Variants in OTUD7A observed in about 807,000 individuals in gnomAD.
OTUD7A encodes the protein OTU domain-containing protein 7A.
In OTUD7A, 12 loss-of-function variants were observed where a neutral mutation model predicts 65.7. The ratio of observed to expected loss-of-function variants is 0.18; its 90% confidence interval spans 0.12 to 0.30. The LOEUF (loss-of-function observed/expected upper bound fraction) is 0.30, where lower values mean the gene tolerates loss of function less well. OTUD7A is among the 10% of genes least tolerant of loss of function. OTUD7A has a pLI of 1.00. For missense variants in OTUD7A, 1,148 were observed against 1,304.8 expected (o/e 0.88, Z 1.85); for synonymous variants, 641 against 586.3 (o/e 1.09, Z -1.35).
At chr15:31,505,950 G>A (rs957427399) in intron 8 of OTUD7A, among the ~76,000 whole-genome samples, 4 of 151,974 alleles carry the variant, frequency 2.6e-5, no homozygotes, top group African/African-American at 9.7e-5. Context: ...GTGTTAGCCA[G>A]GATGGTCTTG....
At chr15:31,637,256 T>C (rs1891370584) in intron 3 of OTUD7A, among the ~76,000 whole-genome samples, 1 of 152,206 alleles carries the variant, frequency 6.6e-6, no homozygotes, top group Non-Finnish European at 1.5e-5. Flanking sequence ...TTCTGAAAGT[T>C]CTAGTGCCCT....
intron 1 of OTUD7A, among the ~76,000 whole-genome samples, chr15:31,795,435 G>A (rs931618738): frequency 3.3e-5 from 5 of 152,214 alleles, no homozygotes; most frequent in African/African-American, 1.2e-4. Context: ...CTGGAGGAGT[G>A]GGTTTCTGAA....
chr15:31,754,761 T>A (rs983688183), intron 1 of OTUD7A, among the ~76,000 whole-genome samples: 1 of 152,224 alleles, frequency 6.6e-6, no homozygotes, highest in Non-Finnish European at 1.5e-5. Flanking sequence ...GACTATGGGC[T>A]TATAGTATAG....
At position 31,559,350 on chromosome 15, in the gene OTUD7A, A is replaced by G. The variant is rs75566710; in HGVS notation, c.332-163T>C. On this transcript the variant is annotated intron_variant, in intron 4 of 12. Coordinates refer to ENST00000307050, the MANE Select transcript of OTUD7A (RefSeq NM_001382637.1). ...CATACCACACAACACACAAAAATACATATGTGCACACATATGAACACACCA... is the reference window on the plus strand; with the variant it reads ...CATACCACACAACACACAAAAATACGTATGTGCACACATATGAACACACCA... Among the ~76,000 whole-genome samples the G allele has an allele frequency of 3.3e-3, 495 of 152,306 alleles. 3 individuals are homozygous for G. The highest frequency in any genetic ancestry group is 4.0e-3 in the Non-Finnish European group (273 of 68,014).
intron 8 of OTUD7A, among the ~76,000 whole-genome samples, chr15:31,505,101 T>C (rs72724998): frequency 2.0e-5 from 3 of 152,324 alleles, no homozygotes; most frequent in Non-Finnish European, 4.4e-5. Flanking sequence ...TGAGAGTATA[T>C]TGAATAAAGG....
intron 1 of OTUD7A, among the ~76,000 whole-genome samples, chr15:31,716,295 GTAT>G (rs1893582378): frequency 1.9e-4 from 1 of 5,238 alleles, no homozygotes; most frequent in African/African-American, 2.0e-4. Context: ...TACATATTAT[GTAT>G]TATATGTAAT....
intron 1 of OTUD7A, among the ~76,000 whole-genome samples, chr15:31,673,805 T>C (rs1212831269): frequency 2.0e-5 from 3 of 152,230 alleles, no homozygotes. Flanking sequence ...CCATTGTCAT[T>C]GTGACAAGTG....
At chr15:31,829,362 C>T (rs1896875574) in intron 1 of OTUD7A, among the ~76,000 whole-genome samples, 1 of 152,184 alleles carries the variant, frequency 6.6e-6, no homozygotes, top group Admixed American at 6.5e-5. Flanking sequence ...ATCTTTCATC[C>T]ATGCTGGTTT....
Position 31,796,142 on chromosome 15 carries a change from C to CGTGTGTGTGTGTGTGTGT in OTUD7A, c.-100+74347_-100+74364dup, listed in dbSNP as rs145581747. ...AGAGAAGCAGAACCAGTAAGGGGTG[C>CGTGTGTGTGTGTGTGTGT]GTGTGTGTGTGTGTGTGTGTGTGTA... On this transcript the variant is annotated intron_variant, in intron 1 of 12. Transcript: ENST00000307050. Among the ~76,000 whole-genome samples the CGTGTGTGTGTGTGTGTGT allele has an allele frequency of 3.3e-3, 483 of 148,116 alleles. 3 individuals are homozygous for CGTGTGTGTGTGTGTGTGT. Among genetic ancestry groups the CGTGTGTGTGTGTGTGTGT allele is most frequent in the East Asian group, 9.7e-3 (49 of 5,026 alleles).
At chr15:31,667,562 T>C (rs561847902) in intron 1 of OTUD7A, among the ~76,000 whole-genome samples, 1 of 152,302 alleles carries the variant, frequency 6.6e-6, no homozygotes, top group African/African-American at 2.4e-5. Flanking sequence ...GATAGTTCAT[T>C]GGTGAGTTCT....
intron 12 of OTUD7A, among the ~76,000 whole-genome samples, chr15:31,486,701 G>A (rs1195671271): frequency 1.3e-5 from 2 of 152,250 alleles, no homozygotes; most frequent in Admixed American, 6.5e-5. Flanking sequence ...TCTGGGAGGG[G>A]AGGAAGGGGG....
chr15:31,827,486 T>C (rs1239693524), intron 1 of OTUD7A, among the ~76,000 whole-genome samples: 1 of 152,192 alleles, frequency 6.6e-6, no homozygotes, highest in East Asian at 1.9e-4. Context: ...CAAGATGAGA[T>C]TTGGGTGGGG....
At chr15:31,551,684 T>C (rs1026689426) in intron 5 of OTUD7A, among the ~76,000 whole-genome samples, 2 of 152,210 alleles carry the variant, frequency 1.3e-5, no homozygotes, top group Admixed American at 6.5e-5. Flanking sequence ...CAATTCTCTA[T>C]CAGAAAGATG....
At chr15:31,723,219 G>C (rs1893790349) in intron 1 of OTUD7A, among the ~76,000 whole-genome samples, 1 of 152,218 alleles carries the variant, frequency 6.6e-6, no homozygotes, top group African/African-American at 2.4e-5. Context: ...TGCTGGAGGA[G>C]GCCCGGAGGC....
chr15:31,539,031 G>A (rs1419792187), intron 5 of OTUD7A, among the ~76,000 whole-genome samples: 5 of 152,134 alleles, frequency 3.3e-5, no homozygotes, highest in Non-Finnish European at 5.9e-5. Context: ...CTCTGCCACC[G>A]GTTCTGGGGA....
At chr15:31,868,831 C>T (rs1027320267) in intron 1 of OTUD7A, among the ~76,000 whole-genome samples, 2 of 152,134 alleles carry the variant, frequency 1.3e-5, no homozygotes, top group East Asian at 1.9e-4. Flanking sequence ...ACACTAAAGG[C>T]CTAAGTAACC....
chr15:31,687,970 C>T (rs1892876108), intron 1 of OTUD7A, among the ~76,000 whole-genome samples: 1 of 152,158 alleles, frequency 6.6e-6, no homozygotes, highest in Non-Finnish European at 1.5e-5. Flanking sequence ...AATCGCAGCA[C>T]TTTTAGAGGT....
At position 31,816,664 on chromosome 15, in the gene OTUD7A, G is replaced by C. The variant is rs1056465451; in HGVS notation, c.-100+53843C>G. Among the ~76,000 whole-genome samples the C allele has an allele frequency of 3.9e-5, 6 of 152,004 alleles. No individual in the cohort carries two copies. In the East Asian group the frequency reaches 1.2e-3, roughly 29 times the overall value. On this transcript the variant is annotated intron_variant, in intron 1 of 12. Transcript: ENST00000307050. ...AGCTGAGATCGTGCACTCCAGCCTG[G>C]GTGACAGAGCGAGACTCCGTCTCAA...
intron 1 of OTUD7A, among the ~76,000 whole-genome samples, chr15:31,809,303 C>T (rs1896360683): frequency 6.6e-6 from 1 of 152,206 alleles, no homozygotes; most frequent in Non-Finnish European, 1.5e-5. Flanking sequence ...AGATACATGA[C>T]CATCCTTTGC....
Sources: allele counts gnomAD v4.1 joint callset (sites outside exome capture counted in the v4.1 genomes callset), GRCh38; gene constraint gnomAD v4.1.1; transcripts MANE v1.5; gene names NCBI Gene and HGNC (gene_info 2026-07-23, HGNC 2026-07-21).